Variants in SAMD5 observed in about 807,000 individuals in gnomAD.
SAMD5 encodes the protein sterile alpha motif domain containing 5, also known as sterile alpha motif domain-containing protein 5.
Under a neutral mutation model 11.3 loss-of-function variants are expected in SAMD5, and 13 were observed. The ratio of observed to expected loss-of-function variants is 1.15; its 90% CI spans 0.75 to 1.83. SAMD5 has a LOEUF of 1.83. Ranked by LOEUF, SAMD5 falls within the 40% of genes most tolerant of loss-of-function variation. The pLI, the probability that SAMD5 is intolerant of heterozygous loss-of-function variation, is 0.00. For missense variants in SAMD5, 255 were observed against 239.1 expected (o/e 1.07, Z -0.44); for synonymous variants, 129 against 111.3 (o/e 1.16, Z -1.00).
chr6:147,882,908 G>C, the SAMD5 span, among the ~76,000 whole-genome samples: 3 of 152,154 alleles, frequency 2.0e-5, no homozygotes, highest in Non-Finnish European at 4.4e-5. Flanking sequence ...AACATTTCTT[G>C]AGAAGATCAA....
At chr6:147,878,635 ATATT>A in the SAMD5 span, among the ~76,000 whole-genome samples, 5 of 148,306 alleles carry the variant, frequency 3.4e-5, no homozygotes, top group Non-Finnish European at 5.9e-5. Context: ...ATATATCTAT[ATATT>A]TACAGAGATT....
chr6:147,677,501 A>G (rs1036619234), intron 1 of SAMD5, among the ~76,000 whole-genome samples: 3 of 152,164 alleles, frequency 2.0e-5, no homozygotes, highest in Non-Finnish European at 4.4e-5. Flanking sequence ...ATTTAATGTG[A>G]GAAAATGGAG....
chr6:147,800,656 T>C, the SAMD5 span, among the ~76,000 whole-genome samples: 5 of 152,338 alleles, frequency 3.3e-5, no homozygotes, highest in African/African-American at 9.6e-5. Context: ...TCTAAAAAGA[T>C]TTTTGTCTGA....
At chr6:147,660,618 C>T (rs565897174) in intron 1 of SAMD5, 1 of 152,340 alleles carries the variant, frequency 6.6e-6, no homozygotes, top group Non-Finnish European at 1.5e-5. Context: ...GGGCGGATCT[C>T]CCACCCTCGC....
the SAMD5 span, among the ~76,000 whole-genome samples, chr6:147,801,833 A>G: frequency 6.6e-6 from 1 of 152,218 alleles, no homozygotes; most frequent in Non-Finnish European, 1.5e-5. Context: ...AATCTTTTTA[A>G]TCAATGGTGT....
the SAMD5 span, among the ~76,000 whole-genome samples, chr6:147,802,151 T>C: frequency 2.0e-5 from 3 of 152,218 alleles, no homozygotes; most frequent in African/African-American, 7.2e-5. Flanking sequence ...TTACAATACA[T>C]GTATTTTTCA....
At position 147,652,319 on chromosome 6, in the gene SAMD5, A is replaced by G. The variant is rs116733239; in HGVS notation, c.163-84998A>G. On this transcript the variant is annotated intron_variant, in intron 1 of 1. Coordinates refer to the SAMD5 transcript ENST00000566741. ...TTGGTTGGTTGGTTTTTTTTTAGAA[A>G]GTGACTTTTGAAACCATATTATAAG... 6.3e-3 allele frequency among the ~76,000 whole-genome samples: 955 copies of G among 152,204 alleles called. 7 individuals are homozygous for G. Among genetic ancestry groups the G allele is most frequent in the African/African-American group, 0.022 (907 of 41,550 alleles).
intron 1 of SAMD5, among the ~76,000 whole-genome samples, chr6:147,722,160 A>T (rs773344263): frequency 6.6e-6 from 1 of 152,182 alleles, no homozygotes; most frequent in Non-Finnish European, 1.5e-5. Flanking sequence ...CTTTTTAATT[A>T]AATGACAGCA....
intron 1 of SAMD5, among the ~76,000 whole-genome samples, chr6:147,516,675 G>C (rs372587883): frequency 2.0e-5 from 3 of 152,232 alleles, no homozygotes; most frequent in African/African-American, 4.8e-5. Context: ...GGCCTGCACT[G>C]TGAGTCAGCT....
At chr6:147,761,528 A>T in the SAMD5 span, among the ~76,000 whole-genome samples, 1,072 of 152,228 alleles carry the variant, frequency 7.0e-3, 16 homozygotes, top group African/African-American at 0.024. Context: ...ACCTGAAGTT[A>T]ATTATAATGT....
At chr6:147,740,897 T>C (rs1791870671), downstream of SAMD5, among the ~76,000 whole-genome samples, 1 of 152,246 alleles carries the variant, frequency 6.6e-6, no homozygotes, top group Non-Finnish European at 1.5e-5. Flanking sequence ...TCTTGTTGTT[T>C]CCTAGTTAAC....
intron 1 of SAMD5, among the ~76,000 whole-genome samples, chr6:147,677,967 G>C (rs564175553): frequency 1.6e-4 from 25 of 152,258 alleles, no homozygotes; most frequent in African/African-American, 5.8e-4. Flanking sequence ...ATGTAGAAAA[G>C]ATAAAGAATG....
chr6:147,909,150 A>G, the SAMD5 span, among the ~76,000 whole-genome samples: 1 of 152,232 alleles, frequency 6.6e-6, no homozygotes, highest in African/African-American at 2.4e-5. Flanking sequence ...TTGAGGCTGC[A>G]GTGAGCTTTG....
chr6:147,653,724 T>C (rs1301893165), intron 1 of SAMD5, among the ~76,000 whole-genome samples: 1 of 152,252 alleles, frequency 6.6e-6, no homozygotes, highest in Non-Finnish European at 1.5e-5. Flanking sequence ...TTACTGATAT[T>C]CCATGCACTT....
At chr6:147,880,414 T>C in the SAMD5 span, among the ~76,000 whole-genome samples, 5 of 152,114 alleles carry the variant, frequency 3.3e-5, no homozygotes, top group Admixed American at 3.3e-4. Context: ...CTCTGCCCCC[T>C]TCTGTACTTC....
chr6:147,703,460 G>GT (rs1791283414), intron 1 of SAMD5, among the ~76,000 whole-genome samples: 1 of 152,176 alleles, frequency 6.6e-6, no homozygotes, highest in Non-Finnish European at 1.5e-5. Context: ...AGCCCAAACG[G>GT]TATCTTACCA....
At chr6:147,716,488 C>A (rs1481319857) in intron 1 of SAMD5, among the ~76,000 whole-genome samples, 1 of 152,234 alleles carries the variant, frequency 6.6e-6, no homozygotes, top group African/African-American at 2.4e-5. Flanking sequence ...GAAGGCGGGA[C>A]TCCTGCCTGT....
the SAMD5 span, among the ~76,000 whole-genome samples, chr6:147,835,249 A>AAAAC: frequency 2.0e-5 from 3 of 151,104 alleles, no homozygotes; most frequent in African/African-American, 7.3e-5. Context: ...AAAAAAAACA[A>AAAAC]AAAAAACAGT....
rs78671893 is a variant in SAMD5, at chr6:147,704,978, G to A, written c.163-32339G>A. Among the ~76,000 whole-genome samples the A allele has an allele frequency of 1.0e-3, 159 of 152,300 alleles. 1 individual carries two copies. The East Asian group carries it at 0.013, about 12-fold the overall frequency. ...TTGTCACCAGTAACTATGGCTGTTGGCACTGAGAAAGTGAGCTGGGAACTG... is the reference window on the plus strand; with the variant it reads ...TTGTCACCAGTAACTATGGCTGTTGACACTGAGAAAGTGAGCTGGGAACTG... On this transcript the variant is annotated intron_variant, in intron 1 of 1. Coordinates refer to the SAMD5 transcript ENST00000566741.
Sources: gnomAD v4.1 joint callset for allele counts (sites outside exome capture counted in the v4.1 genomes callset) on GRCh38, gnomAD v4.1.1 for gene constraint, MANE v1.5 for transcripts, NCBI Gene and HGNC (gene_info 2026-07-23, HGNC 2026-07-21) for gene names.